PNKD: variants seen among roughly 807,000 people sequenced by gnomAD.
PNKD encodes the protein PNKD metallo-beta-lactamase domain containing.
PNKD carries 36 observed loss-of-function variants against 45.3 expected under a neutral mutation model. That is an observed-to-expected ratio of 0.80 (90% confidence interval 0.61 to 1.05). The LOEUF (loss-of-function observed/expected upper bound fraction) is 1.05. Among genes scored for constraint, PNKD ranks in the 50% least tolerant of loss-of-function variants. PNKD has a pLI of 0.00. For synonymous variants in PNKD, 197 were observed against 210.1 expected (o/e 0.94, Z 0.54); for missense variants, 511 against 506.6 (o/e 1.01, Z -0.08).
chr2:218,297,684 C>CAAAA (rs71064428), intron 2 of PNKD, among the ~76,000 whole-genome samples: 6 of 41,982 alleles, frequency 1.4e-4, no homozygotes, highest in Admixed American at 6.4e-4. Flanking sequence ...GACTCCGTCT[C>CAAAA]AAAAAAAAAA....
At chr2:218,297,591 A>G (rs1164215265) in intron 2 of PNKD, among the ~76,000 whole-genome samples, 6 of 147,548 alleles carry the variant, frequency 4.1e-5, no homozygotes, top group Non-Finnish European at 7.5e-5. Flanking sequence ...AGGCTGAGGC[A>G]GGAGAATCGC....
At chr2:218,285,099 A>G (rs1692400022) in intron 2 of PNKD, among the ~76,000 whole-genome samples, 1 of 152,196 alleles carries the variant, frequency 6.6e-6, no homozygotes, top group South Asian at 2.1e-4. Context: ...CGAAGAAAAT[A>G]AAAAAGAAAA....
At position 218,344,522 on chromosome 2, in the gene PNKD, G is replaced by A. The variant is rs1694772423; in HGVS notation, c.936G>A (p.Glu312=). The change falls in exon 9 of 10, where the codon GAG becomes GAA. Residue 312 remains glutamate, a synonymous_variant. Coordinates refer to ENST00000273077, the MANE Select transcript of PNKD (RefSeq NM_015488.5). ...TGGAGCCCGAGAACCTGGCCCGGGAGAGGAAGATGCAGTGGGTGCAGCGGC... is the reference window on the plus strand; with the variant it reads ...TGGAGCCCGAGAACCTGGCCCGGGAAAGGAAGATGCAGTGGGTGCAGCGGC... The part of the protein sequence containing the change: ...GVVEPENLAR[E]RKMQWVQRQR... 1.1e-5 allele frequency: 18 copies of A among 1,593,632 alleles called. No individual in the cohort carries two copies. Among genetic ancestry groups the A allele is most frequent in the Non-Finnish European group, 1.5e-5 (17 of 1,169,956 alleles).
In PNKD at chr2:218,340,119, C is replaced by A. The variant is rs1694629405; in HGVS notation, c.443C>A (p.Pro148His). ...GCCCAGCTGGCTGTGGCTGTGGACC[C>A]TTCAGACCCTCGGGCTGTGCAGGTG... ...TQAQLAVAVD[P>H]SDPRAVQASI... Residue 148 changes from proline to histidine, a missense_variant, in exon 4 of 10, where the codon CCT becomes CAT. Transcript: ENST00000273077. This position sits in a 1 kb window ranked among gnomAD's most constrained non-coding sequence, Gnocchi z 4.2. 6.2e-7 allele frequency: 1 copy of A among 1,612,776 alleles called. No individual in the cohort carries two copies. Among genetic ancestry groups the A allele is most frequent in the Non-Finnish European group, 8.5e-7 (1 of 1,179,030 alleles).
intron 2 of PNKD, chr2:218,278,178 G>A (rs190420615): frequency 3.4e-5 from 21 of 623,902 alleles, no homozygotes; most frequent in Admixed American, 2.6e-4. Flanking sequence ...GTGTTGTGGC[G>A]CCAGAAACAC....
At chr2:218,342,727 T>A (rs934040840) in intron 7 of PNKD, among the ~76,000 whole-genome samples, 3 of 150,722 alleles carry the variant, frequency 2.0e-5, no homozygotes, top group Non-Finnish European at 3.0e-5. Flanking sequence ...TTAAATAATA[T>A]AAATAATATA....
At chr2:218,307,486 C>T (rs796609430) in intron 2 of PNKD, among the ~76,000 whole-genome samples, 35 of 152,268 alleles carry the variant, frequency 2.3e-4, no homozygotes, top group Admixed American at 7.2e-4. Context: ...CCCTCACATG[C>T]GCAGTTCACA....
In PNKD at chr2:218,344,985, C is replaced by T; in HGVS notation, c.*4C>T. 1 of 1,608,112 alleles carries T rather than the reference C, an allele frequency of 6.2e-7. No individual in the cohort carries two copies. Among genetic ancestry groups the T allele is most frequent in the Non-Finnish European group, 8.5e-7 (1 of 1,176,514 alleles). Reference sequence around the variant, plus strand: ...GGATATGCACAAGAGCAAGTGATGCCCCCAGCGCCCCCAGCCCAGCCCACT... The same window carrying T: ...GGATATGCACAAGAGCAAGTGATGCTCCCAGCGCCCCCAGCCCAGCCCACT... On this transcript the variant is annotated 3_prime_UTR_variant, in exon 10 of 10. Coordinates refer to ENST00000273077, the MANE Select transcript of PNKD (RefSeq NM_015488.5).
chr2:218,337,001 T>C (rs1238450738), intron 2 of PNKD, among the ~76,000 whole-genome samples: 1 of 152,016 alleles, frequency 6.6e-6, no homozygotes, highest in African/African-American at 2.4e-5. Flanking sequence ...GGTTTTACCA[T>C]GTTGGCCAGG....
intron 1 of PNKD, 158 bp from the exon 2 acceptor site, chr2:218,271,223 A>G (rs1690817575): frequency 4.0e-6 from 3 of 742,902 alleles, no homozygotes; most frequent in African/African-American, 1.7e-5. Context: ...CGATTTTCCC[A>G]TTTCCCTTTG....
chr2:218,341,856 G>T, intron 6 of PNKD, 125 bp from the exon 7 acceptor site: 3 of 856,568 alleles, frequency 3.5e-6, no homozygotes, highest in South Asian at 1.4e-5. Context: ...AGGCACTGGG[G>T]TGACTTCTTT....
At chr2:218,323,385 C>T in intron 2 of PNKD, 1 of 1,578,354 alleles carries the variant, frequency 6.3e-7, no homozygotes, top group South Asian at 1.1e-5. Context: ...GCGGGGCCTC[C>T]GCGGTCTGCT....
intron 2 of PNKD, chr2:218,323,094 T>C: frequency 8.9e-7 from 1 of 1,123,248 alleles, no homozygotes; most frequent in Non-Finnish European, 1.1e-6. Context: ...TTCGGGGTGC[T>C]TGCCCGGCTG....
intron 2 of PNKD, among the ~76,000 whole-genome samples, chr2:218,338,601 TA>T (rs1324029403): frequency 2.6e-5 from 4 of 151,554 alleles, no homozygotes; most frequent in African/African-American, 9.7e-5. Context: ...ACCCCATCTC[TA>T]CAAAAAAGAT....
chr2:218,280,230 G>T, intron 2 of PNKD: 1 of 848,386 alleles, frequency 1.2e-6, no homozygotes, highest in Non-Finnish European at 2.0e-6. Context: ...CCAGCCAAAA[G>T]ACAAGTGTTA....
intron 2 of PNKD, among the ~76,000 whole-genome samples, chr2:218,302,097 C>G (rs536910700): frequency 6.6e-6 from 1 of 152,056 alleles, no homozygotes; most frequent in South Asian, 2.1e-4. Context: ...CGCCTGTAAT[C>G]CCAGCACTTT....
At chr2:218,297,372 G>A (rs989789007) in intron 2 of PNKD, among the ~76,000 whole-genome samples, 1 of 152,154 alleles carries the variant, frequency 6.6e-6, no homozygotes, top group East Asian at 1.9e-4. Flanking sequence ...GAGGCCGGGG[G>A]CCCATCTCTC....
At chr2:218,286,628 T>TC (rs750107932) in intron 2 of PNKD, 1 of 152,170 alleles carries the variant, frequency 6.6e-6, no homozygotes, top group Non-Finnish European at 1.5e-5. Context: ...AAGCACCTCC[T>TC]CCCCTGGAGC....
intron 2 of PNKD, among the ~76,000 whole-genome samples, chr2:218,330,613 G>A (rs530149943): frequency 6.6e-6 from 1 of 152,210 alleles, no homozygotes; most frequent in Non-Finnish European, 1.5e-5. Flanking sequence ...CTTGCAGAAT[G>A]GTTTTTCTGC....
Sources: allele counts gnomAD v4.1 joint callset (sites outside exome capture counted in the v4.1 genomes callset), GRCh38; gene constraint gnomAD v4.1.1; non-coding constraint Gnocchi (gnomAD v3.1); transcripts MANE v1.5; gene names NCBI Gene and HGNC (gene_info 2026-07-23, HGNC 2026-07-21).